MGAM2: variants seen among roughly 807,000 people sequenced by gnomAD.
MGAM2 encodes the protein maltase-glucoamylase 2 (putative), also known as probable maltase-glucoamylase 2.
In MGAM2, 98 loss-of-function variants were observed where a neutral mutation model predicts 96.1. That is an observed-to-expected ratio of 1.02 (90% CI 0.87 to 1.21). The LOEUF (loss-of-function observed/expected upper bound fraction) is 1.21, where lower values mean the gene tolerates loss of function less well. Ranked by LOEUF, MGAM2 falls within the 50% of genes most tolerant of loss-of-function variation. The pLI is 0.00. For synonymous variants in MGAM2, 749 were observed against 414.8 expected (o/e 1.81, Z -9.79); for missense variants, 2,055 against 1,182.4 (o/e 1.74, Z -10.82).
intron 1 of MGAM2, among the ~76,000 whole-genome samples, chr7:142,115,663 T>G (rs940462403): frequency 6.6e-6 from 1 of 152,008 alleles, no homozygotes; most frequent in African/African-American, 2.4e-5. Context: ...CTGACCAACA[T>G]GAAGAAACCT....
In MGAM2 at chr7:142,215,466, A is replaced by C. The variant is rs963040683; in HGVS notation, c.5188-2895A>C. Among the ~76,000 whole-genome samples, 79 of 152,148 alleles carry C rather than the reference A, an allele frequency of 5.2e-4. 1 individual carries two copies. Among genetic ancestry groups the C allele is most frequent in the Admixed American group, 4.5e-3 (69 of 15,268 alleles). ...AGAACTTAAAGTATAATTAAAAAAA[A>C]AAAAAAACATTTGGCTGAGCGTGGT... On this transcript the variant is annotated intron_variant, in intron 46 of 47. Transcript: ENST00000477922.
chr7:142,175,813 T>C (rs991270856), intron 32 of MGAM2, 33 bp downstream of exon 32: 4 of 695,766 alleles, frequency 5.7e-6, no homozygotes, highest in Admixed American at 4.0e-5. Flanking sequence ...TCCTACTTTC[T>C]GTTTCCATAT....
chr7:142,188,313 G>T (rs773856299), intron 36 of MGAM2, among the ~76,000 whole-genome samples: 1 of 152,080 alleles, frequency 6.6e-6, no homozygotes, highest in South Asian at 2.1e-4. Flanking sequence ...GAATCTTCTC[G>T]TGTTGCAGAG....
At chr7:142,154,890 A>G (rs555252844) in intron 17 of MGAM2, 45 bp downstream of exon 17, 16 of 701,356 alleles carry the variant, frequency 2.3e-5, no homozygotes, top group South Asian at 1.8e-4. Flanking sequence ...GGATTAGCTA[A>G]TCTACTGGCT....
chr7:142,132,509 A>C (rs897377096), intron 6 of MGAM2, among the ~76,000 whole-genome samples: 6 of 136,612 alleles, frequency 4.4e-5, no homozygotes, highest in Non-Finnish European at 9.2e-5. Flanking sequence ...TTAAATTATA[A>C]AAATTTAAAT....
chr7:142,152,185 A>C (rs907473601), intron 15 of MGAM2, among the ~76,000 whole-genome samples: 8 of 151,912 alleles, frequency 5.3e-5, no homozygotes, highest in Non-Finnish European at 1.0e-4. Flanking sequence ...AAAAAAAAAA[A>C]ACCCAGCAGT....
chr7:142,134,917 C>T (rs898417204), intron 7 of MGAM2, among the ~76,000 whole-genome samples: 2 of 152,058 alleles, frequency 1.3e-5, no homozygotes, highest in African/African-American at 4.8e-5. Context: ...AAATATTACC[C>T]TTTTCAATTG....
intron 38 of MGAM2, 76 bp downstream of exon 38, chr7:142,196,363 A>G: frequency 1.5e-6 from 1 of 662,322 alleles, no homozygotes; most frequent in Non-Finnish European, 2.7e-6. Context: ...AGCACTGGTT[A>G]TGTCTCTATC....
In MGAM2 at chr7:142,147,555, T is replaced by C. The variant is rs1795424582; in HGVS notation, c.1616T>C (p.Met539Thr). 1 of 702,750 alleles carries C rather than the reference T, an allele frequency of 1.4e-6. No individual in the cohort carries two copies. Among genetic ancestry groups the C allele is most frequent in the Non-Finnish European group, 2.6e-6 (1 of 384,890 alleles). 43.5% of individuals were successfully genotyped at this position (702,750 alleles called of 1,614,324 possible). A position where few individuals can be genotyped will look rare whatever the true frequency, so the allele number is the denominator to read the frequency against. ...ATCCACAGCTTGTATGGCCACTCCA[T>C]GGCAAGAACCACAAACTTGTAAGGA... ...YDIHSLYGHS[M>T]ARTTNLALET... The change falls in exon 15 of 48, where the codon ATG becomes ACG. Residue 539 changes from methionine to threonine, a missense_variant. Transcript: ENST00000477922.
intron 2 of MGAM2, among the ~76,000 whole-genome samples, chr7:142,118,659 A>G (rs1158992021): frequency 1.3e-5 from 2 of 152,204 alleles, no homozygotes; most frequent in Non-Finnish European, 2.9e-5. Flanking sequence ...CAATGGGGCC[A>G]ATAATATCTT....
chr7:142,141,161 G>T, intron 12 of MGAM2, 42 bp downstream of exon 12: 1 of 690,012 alleles, frequency 1.4e-6, no homozygotes, highest in South Asian at 1.6e-5. Flanking sequence ...GATTGTTTTG[G>T]GGAGTTGTAC....
chr7:142,118,178 C>G (rs557689894), intron 2 of MGAM2, among the ~76,000 whole-genome samples: 62 of 152,214 alleles, frequency 4.1e-4, no homozygotes, highest in African/African-American at 1.4e-3. Context: ...TCCCTCTTCC[C>G]CCTAACTCCT....
chr7:142,133,982 T>C lies in MGAM2; in HGVS notation c.577T>C (p.Leu193=), dbSNP rs1794981184. Residue 193 remains leucine, a splice_region_variant and synonymous_variant, in exon 7 of 48, where the codon TTG becomes CTG. Coordinates refer to ENST00000477922, the MANE Select transcript of MGAM2 (RefSeq NM_001293626.2). ...TGCTCTACTTACCCCATGGCCCAGGTTGGACACGAGCATCGGGCCCCTCCA... is the reference window on the plus strand; with the variant it reads ...TGCTCTACTTACCCCATGGCCCAGGCTGGACACGAGCATCGGGCCCCTCCA... The part of the protein sequence containing the change: ...IMRTSNRRVL[L]DTSIGPLQFA... 1.4e-6 allele frequency: 1 copy of C among 705,266 alleles called. No homozygotes were observed. The highest frequency in any genetic ancestry group is 1.5e-5 in the South Asian group (1 of 67,746). The allele number at this position is 705,266 out of a possible 1,614,324, so 43.7% of individuals were successfully genotyped here. A position where few individuals can be genotyped will look rare whatever the true frequency, so the allele number is the denominator to read the frequency against.
intron 2 of MGAM2, among the ~76,000 whole-genome samples, chr7:142,117,549 G>T (rs560063691): frequency 3.9e-4 from 60 of 152,208 alleles, no homozygotes; most frequent in African/African-American, 1.3e-3. Flanking sequence ...TGTATTTTCA[G>T]TTAAAGCTGA....
At chr7:142,182,018 T>C (rs1201614074) in intron 32 of MGAM2, among the ~76,000 whole-genome samples, 1 of 152,108 alleles carries the variant, frequency 6.6e-6, no homozygotes, top group Non-Finnish European at 1.5e-5. Context: ...AGTCTGTGGC[T>C]GGTAAACAGG....
At chr7:142,192,670 A>G (rs1231989896) in intron 37 of MGAM2, among the ~76,000 whole-genome samples, 1 of 152,188 alleles carries the variant, frequency 6.6e-6, no homozygotes, top group East Asian at 1.9e-4. Flanking sequence ...CAAAAGCTCA[A>G]CTTTCCCATG....
chr7:142,149,752 A>G lies in MGAM2; in HGVS notation c.1634+2179A>G, dbSNP rs563932790. Among the ~76,000 whole-genome samples the G allele has an allele frequency of 6.6e-5, 10 of 151,980 alleles. No homozygotes were observed. The South Asian group carries it at 1.0e-3, about 16-fold the overall frequency. ...GAGACGGGGTTTCACAGCGTTAGCCAGGATGGTCTCCATCTCCTGACCTCA... is the reference window on the plus strand; with the variant it reads ...GAGACGGGGTTTCACAGCGTTAGCCGGGATGGTCTCCATCTCCTGACCTCA... On this transcript the variant is annotated intron_variant, in intron 15 of 47. Transcript: ENST00000477922.
At chr7:142,196,630 C>G (rs1201007610) in intron 39 of MGAM2, 31 bp downstream of exon 39, 2 of 736,710 alleles carry the variant, frequency 2.7e-6, no homozygotes, top group African/African-American at 3.4e-5. Context: ...TACTAATTGC[C>G]CAGTCAGATT....
chr7:142,207,641 G>A (rs924695812), intron 45 of MGAM2, among the ~76,000 whole-genome samples: 12 of 152,026 alleles, frequency 7.9e-5, no homozygotes, highest in Non-Finnish European at 1.5e-4. Flanking sequence ...ATGTTAGCCA[G>A]GACGGTCTCG....
Sources: allele counts gnomAD v4.1 joint callset (sites outside exome capture counted in the v4.1 genomes callset), GRCh38; gene constraint gnomAD v4.1.1; transcripts MANE v1.5; gene names NCBI Gene and HGNC (gene_info 2026-07-23, HGNC 2026-07-21).